Variants in TRPM6 observed in about 807,000 individuals in gnomAD.
TRPM6 encodes channel kinase 2.
A neutral mutation model predicts 247.6 loss-of-function variants in TRPM6; 111 were observed. The ratio of observed to expected loss-of-function variants is 0.45; its 90% confidence interval spans 0.38 to 0.52. The LOEUF is 0.52. TRPM6 is among the 20% of genes least tolerant of loss of function. The pLI is 0.00. For synonymous variants in TRPM6, 892 were observed against 853.8 expected, an observed-to-expected ratio of 1.04 and a Z score of -0.78; for missense variants, 2,126 against 2,421.5, an observed-to-expected ratio of 0.88 and a Z score of 2.56.
intron 35 of TRPM6, 134 bp from the exon 36 acceptor site, chr9:74,738,746 T>C (rs1300561972): frequency 1.3e-6 from 1 of 787,838 alleles, no homozygotes; most frequent in Non-Finnish European, 2.2e-6. Context: ...CCTTGCCCTT[T>C]CTATGGAAGG....
intron 1 of TRPM6, among the ~76,000 whole-genome samples, chr9:74,875,893 G>A (rs1831179773): frequency 1.3e-5 from 2 of 152,182 alleles, no homozygotes; most frequent in Non-Finnish European, 2.9e-5. Flanking sequence ...AAAGTACCCT[G>A]TAAACTTAAG....
At chr9:74,826,870 C>G (rs1829353788) in intron 7 of TRPM6, 1 of 152,078 alleles carries the variant, frequency 6.6e-6, no homozygotes, top group Admixed American at 6.6e-5. Context: ...TCCTGAGTAG[C>G]TGGGATTACA....
chr9:74,741,640 A>G (rs1825867221), intron 33 of TRPM6, among the ~76,000 whole-genome samples: 2 of 152,092 alleles, frequency 1.3e-5, no homozygotes, highest in Admixed American at 1.3e-4. Context: ...CTGTAATCCC[A>G]GCACTTTGGG....
At position 74,739,968 on chromosome 9, in the gene TRPM6, G is replaced by A; in HGVS notation, c.5242C>T (p.Pro1748Ser). The part of the protein sequence containing the change: ...ITVYRLEESS[P>S]LNLDKSMSSW... Reference sequence around the variant, plus strand: ...GACATGCTTTTATCAAGGTTTAAAGGGGAACTCTCCTCCAACCTGTAGACA... The same window carrying A: ...GACATGCTTTTATCAAGGTTTAAAGAGGAACTCTCCTCCAACCTGTAGACA... The change falls in exon 34 of 39, where the codon CCT (proline) becomes TCT (serine). Residue 1748 changes from proline (P) to serine (S), a missense_variant. This residue lies in a region of TRPM6 where 327 missense variants were observed against 397.7 expected (regional missense o/e 0.82). Transcript: ENST00000360774. 6.2e-7 allele frequency: 1 copy of A among 1,614,064 alleles called. No individual in the cohort carries two copies. The highest frequency in any genetic ancestry group is 1.1e-5 in the South Asian group (1 of 91,068).
intron 11 of TRPM6, 131 bp downstream of exon 11, chr9:74,816,538 T>C (rs1460404358): frequency 7.5e-6 from 5 of 666,358 alleles, no homozygotes; most frequent in African/African-American, 1.8e-5. Flanking sequence ...GTCTTAGCTA[T>C]CCCAGCTACA....
chr9:74,871,677 A>C (rs1012335291), intron 1 of TRPM6, among the ~76,000 whole-genome samples: 7 of 152,052 alleles, frequency 4.6e-5, no homozygotes, highest in African/African-American at 1.7e-4. Flanking sequence ...CCCTCCATAG[A>C]GAGGTACCAA....
intron 36 of TRPM6, chr9:74,737,536 T>A: frequency 2.9e-6 from 2 of 687,366 alleles, no homozygotes; most frequent in Non-Finnish European, 2.2e-6. Flanking sequence ...ATGAAACTCT[T>A]AAAAGAAATA....
chr9:74,800,421 C>G lies in TRPM6; in HGVS notation c.2071G>C (p.Ala691Pro). ...EKAFKQNERM[A>P]MTLLTYELRN... ...AGTTCATACGTCAACAGCGTCATGG[C>G]CATGCGCTCATTCTGCTTGAATGCC... Residue 691 changes from alanine (A) to proline (P), a missense_variant, in exon 17 of 39, where the codon GCC becomes CCC. By Grantham distance (27) the Ala-to-Pro change is conservative. Transcript: ENST00000360774. The G allele has an allele frequency of 6.2e-7, 1 of 1,613,980 alleles. No individual in the cohort carries two copies. The highest frequency in any genetic ancestry group is 1.3e-5 in the African/African-American group (1 of 74,972).
At chr9:74,847,348 C>A (rs550571589) in intron 3 of TRPM6, among the ~76,000 whole-genome samples, 1 of 152,004 alleles carries the variant, frequency 6.6e-6, no homozygotes, top group Admixed American at 6.6e-5. Flanking sequence ...TTACAGGCAA[C>A]GACTATCACG....
At chr9:74,812,624 G>A (rs1005475565) in intron 11 of TRPM6, among the ~76,000 whole-genome samples, 191 bp from the exon 12 acceptor site, 16 of 151,446 alleles carry the variant, frequency 1.1e-4, no homozygotes, top group African/African-American at 2.7e-4. Context: ...GCTCAGTGGC[G>A]CACACCTGTA....
chr9:74,735,216 T>G (rs1825654156), intron 36 of TRPM6, among the ~76,000 whole-genome samples: 1 of 149,422 alleles, frequency 6.7e-6, no homozygotes, highest in Non-Finnish European at 1.5e-5. Flanking sequence ...CAGTGAGACC[T>G]TGTCTCAAAA....
intron 30 of TRPM6, 51 bp from the exon 31 acceptor site, chr9:74,747,965 C>G (rs1325778250): frequency 1.3e-6 from 2 of 1,560,838 alleles, no homozygotes; most frequent in South Asian, 1.1e-5. Context: ...TTAAATCTTA[C>G]AGTTATCAAA....
In TRPM6 at chr9:74,816,678, T is replaced by C; in HGVS notation, c.1299A>G (p.Gln433=). ...IAKKHILIYE[Q]HWKPDALEQA... is the part of the protein sequence containing the mutation. ...TTCATTTTCACTATACCTTCCAGTG[T>C]TGTTCATAAATTAGGATATGTTTCT... The change falls in exon 11 of 39, where the codon CAA becomes CAG. Residue 433 remains glutamine (Q), a synonymous_variant. Coordinates refer to ENST00000360774, the MANE Select transcript of TRPM6 (RefSeq NM_017662.5). The C allele has an allele frequency of 6.2e-7, 1 of 1,613,490 alleles. No individual in the cohort carries two copies. Among genetic ancestry groups the C allele is most frequent in the Non-Finnish European group, 8.5e-7 (1 of 1,179,502 alleles).
intron 2 of TRPM6, among the ~76,000 whole-genome samples, 183 bp downstream of exon 2, chr9:74,858,486 T>C (rs1331771718): frequency 6.6e-6 from 1 of 152,268 alleles, no homozygotes; most frequent in Non-Finnish European, 1.5e-5. Context: ...ACAAGGTCCC[T>C]GTTCTTCCCA....
Position 74,762,990 on chromosome 9 carries a change from A to C in TRPM6, c.3681T>G (p.Ala1227=). The change falls in exon 26 of 39, where the codon GCT becomes GCG. Residue 1227 remains alanine (A), a synonymous_variant. Transcript: ENST00000360774. ...CCTCATCCTCTTGCAAAGTGTCAAC[A>C]GCAGAAAGGACTTTCAGGGTATCCA... ...LTVDTLKVLS[A]VDTLQEDEAL... is the part of the protein sequence containing the mutation. 6.2e-7 allele frequency: 1 copy of C among 1,612,740 alleles called. No homozygotes were observed. The highest frequency in any genetic ancestry group is 8.5e-7 in the Non-Finnish European group (1 of 1,178,894).
intron 15 of TRPM6, among the ~76,000 whole-genome samples, chr9:74,803,129 C>G (rs376495793): frequency 8.8e-4 from 134 of 152,122 alleles, no homozygotes; most frequent in African/African-American, 3.1e-3. Flanking sequence ...TGATGATGAC[C>G]AAGAGTAATT....
intron 1 of TRPM6, among the ~76,000 whole-genome samples, chr9:74,877,415 T>G (rs1206449022): frequency 3.3e-5 from 5 of 152,154 alleles, no homozygotes. Flanking sequence ...AACAGGGAGC[T>G]GCCTGGAGAC....
Position 74,762,652 on chromosome 9 carries a change from T to C in TRPM6, c.4019A>G (p.Lys1340Arg), listed in dbSNP as rs1202131044. The C allele has an allele frequency of 1.2e-6, 2 of 1,614,102 alleles. No individual in the cohort carries two copies. The highest frequency in any genetic ancestry group is 1.1e-5 in the South Asian group (1 of 91,094). Residue 1340 changes from lysine to arginine, a missense_variant, in exon 26 of 39, where the codon AAG becomes AGG. Lys to Arg is a conservative substitution (Grantham distance 26). Around this residue, in one of 3 missense-constraint regions of TRPM6, gnomAD observed 717 missense variants for 715.9 expected, o/e 1.00. Transcript: ENST00000360774. ...GGGGACCAGAAGAAACTGGCCATAC[T>C]TTGAGTGTGCTTGCCTGTTAGGAGA... ...GVSPNRQAHS[K>R]YGQFLLVPSN...
intron 27 of TRPM6, among the ~76,000 whole-genome samples, chr9:74,757,589 G>T (rs964040082): frequency 1.3e-5 from 2 of 148,648 alleles, no homozygotes; most frequent in African/African-American, 5.0e-5. Flanking sequence ...AAAAGGAGGG[G>T]AGGGTAGGGG....
Sources: allele counts gnomAD v4.1 joint callset (sites outside exome capture counted in the v4.1 genomes callset), GRCh38; gene constraint gnomAD v4.1.1; regional missense constraint gnomAD v4.1.1; transcripts MANE v1.5; gene names NCBI Gene and HGNC (gene_info 2026-07-23, HGNC 2026-07-21).